Variants in SLC44A1 observed in about 807,000 individuals in gnomAD.
The protein encoded by SLC44A1 is solute carrier family 44 member 1, also known as choline transporter-like protein 1.
SLC44A1 carries 26 observed loss-of-function variants against 79.3 expected under a neutral mutation model. The observed-to-expected ratio is 0.33, with a 90% CI of 0.24 to 0.46. The LOEUF is 0.46. Ranked by LOEUF, SLC44A1 falls within the 20% of genes least tolerant of loss-of-function variation. SLC44A1 has a pLI of 1.00. For missense variants in SLC44A1, 688 were observed against 798.1 expected (o/e 0.86, Z 1.66); for synonymous variants, 263 against 286.2 (o/e 0.92, Z 0.82).
At chr9:105,305,586 G>A (rs906993200) in intron 2 of SLC44A1, among the ~76,000 whole-genome samples, 5 of 152,102 alleles carry the variant, frequency 3.3e-5, no homozygotes, top group Non-Finnish European at 7.4e-5. Context: ...AGTGAAGGAG[G>A]TGGTATCTGA....
At chr9:105,292,290 A>G (rs541868407) in intron 1 of SLC44A1, among the ~76,000 whole-genome samples, 1 of 152,228 alleles carries the variant, frequency 6.6e-6, no homozygotes, top group Non-Finnish European at 1.5e-5. Context: ...TGACATCTAC[A>G]TGAAAATATT....
intron 13 of SLC44A1, among the ~76,000 whole-genome samples, chr9:105,380,570 T>C (rs1828430529): frequency 6.6e-6 from 1 of 152,052 alleles, no homozygotes; most frequent in African/African-American, 2.4e-5. Flanking sequence ...ATTTATCAAA[T>C]ATTTATCAAA....
At chr9:105,327,213 C>T (rs2131343578) in intron 3 of SLC44A1, among the ~76,000 whole-genome samples, 1 of 152,296 alleles carries the variant, frequency 6.6e-6, no homozygotes, top group South Asian at 2.1e-4. Context: ...TTGCCTCTGA[C>T]TCATTCTGCA....
At chr9:105,363,737 T>C (rs1588834761) in intron 9 of SLC44A1, among the ~76,000 whole-genome samples, 1 of 152,364 alleles carries the variant, frequency 6.6e-6, no homozygotes, top group South Asian at 2.1e-4. Context: ...AGTGCTGGGA[T>C]TACAGGCGTG....
chr9:105,304,601 C>T (rs547374549), intron 2 of SLC44A1, among the ~76,000 whole-genome samples: 93 of 152,280 alleles, frequency 6.1e-4, no homozygotes, highest in African/African-American at 2.0e-3. Flanking sequence ...TACTCTGTGT[C>T]TGCTTTCCCT....
intron 15 of SLC44A1, among the ~76,000 whole-genome samples, chr9:105,420,264 TG>T (rs1408883729): frequency 2.4e-4 from 37 of 152,292 alleles, no homozygotes; most frequent in Admixed American, 2.0e-3. Context: ...TTTTACTTCT[TG>T]TTAGAGTTCT....
At position 105,256,706 on chromosome 9, in the gene SLC44A1, GCATGCACTAC is replaced by G. The variant is rs566626956; in HGVS notation, c.36+11805_36+11814del. ...GCTTCCCAAGTAGCTGGGACTACAG[GCATGCACTAC>G]CACGCCCAGCTAATTTTTGTATTAT... is the stretch of plus-strand genomic sequence containing the variant. On this transcript the variant is annotated intron_variant, in intron 1 of 15. Coordinates refer to ENST00000374720, the MANE Select transcript of SLC44A1 (RefSeq NM_080546.5). Among the ~76,000 whole-genome samples the G allele has an allele frequency of 2.4e-3, 361 of 151,078 alleles. 1 individual carries two copies. The highest frequency in any genetic ancestry group is 8.2e-3 in the African/African-American group (337 of 41,072).
intron 2 of SLC44A1, among the ~76,000 whole-genome samples, chr9:105,303,165 G>A (rs546122589): frequency 6.6e-6 from 1 of 152,152 alleles, no homozygotes; most frequent in South Asian, 2.1e-4. Flanking sequence ...ACAAGAGTGG[G>A]ATGGATAAAT....
intron 1 of SLC44A1, among the ~76,000 whole-genome samples, chr9:105,251,370 G>A (rs573115319): frequency 1.3e-5 from 2 of 152,034 alleles, no homozygotes; most frequent in African/African-American, 2.4e-5. Flanking sequence ...CCAGCACTCC[G>A]GTTCAAGCCT....
chr9:105,273,144 A>C (rs1273723484), intron 1 of SLC44A1, among the ~76,000 whole-genome samples: 1 of 152,090 alleles, frequency 6.6e-6, no homozygotes, highest in Admixed American at 6.6e-5. Context: ...GGTGCCCACC[A>C]GTACACCTGG....
In SLC44A1 at chr9:105,366,442, A is replaced by T. The variant is rs765198120; in HGVS notation, c.1494+13A>T. The T allele has an allele frequency of 5.0e-6, 6 of 1,205,042 alleles. No individual in the cohort carries two copies. The highest frequency in any genetic ancestry group is 2.5e-5 in the Admixed American group (1 of 40,024). 74.6% of individuals were successfully genotyped at this position (1,205,042 alleles called of 1,614,324 possible). A position where few individuals can be genotyped will look rare whatever the true frequency, so the allele number is the denominator to read the frequency against. On this transcript the variant is annotated intron_variant, in intron 12 of 15. Coordinates refer to ENST00000374720, the MANE Select transcript of SLC44A1 (RefSeq NM_080546.5). ...TTATTTAAATCAGGTAAAATATTTT[A>T]AAAATAAATCTAATATTTACTTTCA...
At chr9:105,306,047 A>G (rs1166021032) in intron 2 of SLC44A1, among the ~76,000 whole-genome samples, 1 of 152,016 alleles carries the variant, frequency 6.6e-6, no homozygotes, top group Non-Finnish European at 1.5e-5. Flanking sequence ...CCTTCATCTG[A>G]TTTAAGTCAC....
chr9:105,428,212 A>G (rs963002064), intron 15 of SLC44A1, among the ~76,000 whole-genome samples: 1 of 152,110 alleles, frequency 6.6e-6, no homozygotes, highest in Non-Finnish European at 1.5e-5. Context: ...CAAATCAGTT[A>G]AATAGTTACC....
chr9:105,308,927 C>T (rs1457638519), intron 2 of SLC44A1, among the ~76,000 whole-genome samples: 1 of 152,176 alleles, frequency 6.6e-6, no homozygotes, highest in Non-Finnish European at 1.5e-5. Context: ...TTGGTCAGTG[C>T]ATGCTTGACT....
In SLC44A1 at chr9:105,389,935, A is replaced by G; in HGVS notation, c.*879A>G. 6.6e-7 allele frequency: 1 copy of G among 1,513,148 alleles called. No homozygotes were observed. The highest frequency in any genetic ancestry group is 8.8e-7 in the Non-Finnish European group (1 of 1,132,244). The allele number at this position is 1,513,148 out of a possible 1,614,324, so 93.7% of individuals were successfully genotyped here. On this transcript the variant is annotated 3_prime_UTR_variant, in exon 16 of 16. Transcript: ENST00000374720. ...TAATGCTGGGAGGAATAAAGAAGGG[A>G]CAGAAACATGGAACATAAAGCATTG...
At chr9:105,433,487 T>C (rs1588882997) in intron 15 of SLC44A1, among the ~76,000 whole-genome samples, 1 of 152,088 alleles carries the variant, frequency 6.6e-6, no homozygotes, top group Admixed American at 6.6e-5. Flanking sequence ...TTTTTCATGC[T>C]CAGCAGACAG....
intron 1 of SLC44A1, among the ~76,000 whole-genome samples, chr9:105,290,884 A>T (rs1431993240): frequency 2.6e-5 from 4 of 152,228 alleles, no homozygotes; most frequent in East Asian, 1.9e-4. Context: ...CACGCAGTGT[A>T]TCTTAATACC....
At chr9:105,433,704 A>G (rs1368560974) in intron 15 of SLC44A1, among the ~76,000 whole-genome samples, 2 of 151,972 alleles carry the variant, frequency 1.3e-5, no homozygotes, top group East Asian at 3.9e-4. Context: ...CCAAGCAGGA[A>G]ACTGAAAAAT....
chr9:105,313,337 C>T (rs1831230867), intron 3 of SLC44A1, among the ~76,000 whole-genome samples: 1 of 152,238 alleles, frequency 6.6e-6, no homozygotes, highest in Non-Finnish European at 1.5e-5. Flanking sequence ...AACAGTATTA[C>T]TGTAAACTTA....
Sources: allele counts gnomAD v4.1 joint callset (sites outside exome capture counted in the v4.1 genomes callset), GRCh38; gene constraint gnomAD v4.1.1; transcripts MANE v1.5; gene names NCBI Gene and HGNC (gene_info 2026-07-23, HGNC 2026-07-21).